MTTP: variants seen among roughly 807,000 people sequenced by gnomAD.
MTTP encodes microsomal triglyceride transfer protein.
A neutral mutation model predicts 90.6 loss-of-function variants in MTTP; 49 were observed. That is an observed-to-expected ratio of 0.54 (90% CI 0.43 to 0.69). The LOEUF (loss-of-function observed/expected upper bound fraction) is 0.69. MTTP is among the 30% of genes least tolerant of loss of function. The pLI, the probability that MTTP is intolerant of heterozygous loss-of-function variation, is 0.00. For missense variants in MTTP, 945 were observed against 1,067.5 expected, an observed-to-expected ratio of 0.89 and a Z score of 1.60; for synonymous variants, 347 against 384.2, an observed-to-expected ratio of 0.90 and a Z score of 1.13.
intron 15 of MTTP, among the ~76,000 whole-genome samples, chr4:99,618,424 C>T (rs1726148683): frequency 6.6e-6 from 1 of 152,204 alleles, no homozygotes; most frequent in South Asian, 2.1e-4. Context: ...GAGAGATCAC[C>T]TGATCCAAAC....
intron 4 of MTTP, among the ~76,000 whole-genome samples, 196 bp from the exon 5 acceptor site, chr4:99,591,039 A>T (rs1365555315): frequency 6.6e-6 from 1 of 152,200 alleles, no homozygotes; most frequent in Non-Finnish European, 1.5e-5. Flanking sequence ...CGCTATTAAG[A>T]CACTCAACCA....
intron 11 of MTTP, 101 bp downstream of exon 11, chr4:99,607,061 C>A: frequency 9.8e-7 from 1 of 1,021,056 alleles, no homozygotes; most frequent in Non-Finnish European, 1.5e-6. Flanking sequence ...TCTGTATTTT[C>A]CCCAAATAGT....
At chr4:99,620,936 A>G in intron 16 of MTTP, 125 bp from the exon 17 acceptor site, 1 of 897,292 alleles carries the variant, frequency 1.1e-6, no homozygotes. Flanking sequence ...TCACCTCTGA[A>G]TCCCTTAAGT....
chr4:99,565,485 C>T (rs551826204), intron 1 of MTTP, among the ~76,000 whole-genome samples: 10 of 152,170 alleles, frequency 6.6e-5, no homozygotes, highest in South Asian at 4.2e-4. Context: ...AAGTTTAAGA[C>T]GGTGAAATCA....
upstream of MTTP, among the ~76,000 whole-genome samples, chr4:99,572,912 T>G (rs993369797): frequency 1.3e-5 from 2 of 152,280 alleles, no homozygotes; most frequent in Admixed American, 6.5e-5. Flanking sequence ...GATGATGTTA[T>G]TTATAACCAG....
intron 3 of MTTP, among the ~76,000 whole-genome samples, chr4:99,589,075 T>A (rs5011596): frequency 0.33 from 2,538 of 7,802 alleles, 435 homozygotes; most frequent in African/African-American, 0.54. Flanking sequence ...ATATATATAT[T>A]TTTTTTTTAC....
intron 7 of MTTP, 130 bp from the exon 8 acceptor site, chr4:99,596,937 T>C: frequency 1.8e-6 from 2 of 1,115,536 alleles, no homozygotes; most frequent in South Asian, 1.2e-5. Context: ...TCATGTGTAT[T>C]GAGGTAAGGT....
At chr4:99,605,855 C>T (rs1026541146) in intron 10 of MTTP, among the ~76,000 whole-genome samples, 17 of 112,796 alleles carry the variant, frequency 1.5e-4, no homozygotes, top group East Asian at 3.7e-4. Flanking sequence ...CATCCATTCT[C>T]CCCAACCCCA....
At chr4:99,574,747 T>G (rs1724912042), upstream of MTTP, 1 of 1,510,222 alleles carries the variant, frequency 6.6e-7, no homozygotes, top group South Asian at 1.2e-5. Context: ...TCAGTGAACT[T>G]AGGTCCTGAT....
intron 15 of MTTP, 139 bp from the exon 16 acceptor site, chr4:99,618,835 A>T: frequency 8.7e-7 from 1 of 1,150,060 alleles, no homozygotes; most frequent in South Asian, 1.4e-5. Flanking sequence ...GCATGTTTCC[A>T]AGCCTAGAGA....
At chr4:99,622,612 G>C in intron 17 of MTTP, 65 bp from the exon 18 acceptor site, 1 of 1,546,182 alleles carries the variant, frequency 6.5e-7, no homozygotes, top group Non-Finnish European at 8.9e-7. Context: ...CAGTAACTTG[G>C]CTGGAGAGGT....
intron 6 of MTTP, among the ~76,000 whole-genome samples, chr4:99,592,615 A>G (rs931437879): frequency 1.3e-5 from 2 of 152,106 alleles, no homozygotes; most frequent in Non-Finnish European, 1.5e-5. Flanking sequence ...AGGATCATCA[A>G]TATCACTGTC....
chr4:99,587,302 AG>A (rs1725280682), intron 3 of MTTP, among the ~76,000 whole-genome samples: 2 of 152,168 alleles, frequency 1.3e-5, no homozygotes, highest in Non-Finnish European at 2.9e-5. Context: ...GTCATATAAA[AG>A]AAAAAGAGAT....
At chr4:99,585,592 G>A (rs1265996646) in intron 3 of MTTP, among the ~76,000 whole-genome samples, 1 of 152,110 alleles carries the variant, frequency 6.6e-6, no homozygotes, top group Non-Finnish European at 1.5e-5. Flanking sequence ...AGACACTTGA[G>A]TTCATAGATA....
At position 99,619,086 on chromosome 4, in the gene MTTP, G is replaced by A. The variant is rs746584812; in HGVS notation, c.2330G>A (p.Arg777Gln). ...FSLWYRESKT[R>Q]VKNRVTVVIT... ...TTGTGGTATCGTGAGTCTAAAACCC[G>A]AGTGAAAAATAGGTAAGTGTTTATG... The change falls in exon 16 of 18, where the codon CGA becomes CAA. Residue 777 changes from arginine to glutamine, a missense_variant. Physicochemically the swap from Arg to Gln is conservative, Grantham distance 43. Transcript: ENST00000265517. The A allele has an allele frequency of 8.7e-6, 14 of 1,613,234 alleles. No individual in the cohort carries two copies. Among genetic ancestry groups the A allele is most frequent in the African/African-American group, 5.3e-5 (4 of 74,866 alleles).
chr4:99,596,714 C>A (rs1725561648), intron 7 of MTTP, among the ~76,000 whole-genome samples: 1 of 152,122 alleles, frequency 6.6e-6, no homozygotes, highest in African/African-American at 2.4e-5. Flanking sequence ...AATTAAAGTT[C>A]TGCACAATTT....
chr4:99,606,431 G>T (rs1725818015), intron 10 of MTTP, among the ~76,000 whole-genome samples: 1 of 152,138 alleles, frequency 6.6e-6, no homozygotes, highest in South Asian at 2.1e-4. Flanking sequence ...TGAATGAGCA[G>T]TTTTTTGAAT....
chr4:99,570,780 G>A (rs1167059086), upstream of MTTP: 1 of 455,628 alleles, frequency 2.2e-6, no homozygotes. Flanking sequence ...GAAGTAAAAA[G>A]GATTCAGCTT....
chr4:99,614,585 TATC>T (rs950936508), intron 15 of MTTP, among the ~76,000 whole-genome samples: 7 of 152,218 alleles, frequency 4.6e-5, no homozygotes, highest in Non-Finnish European at 8.8e-5. Context: ...AATCTTAAGA[TATC>T]ATCAGAATCC....
Sources: gnomAD v4.1 joint callset for allele counts (sites outside exome capture counted in the v4.1 genomes callset) on GRCh38, gnomAD v4.1.1 for gene constraint, MANE v1.5 for transcripts, NCBI Gene and HGNC (gene_info 2026-07-23, HGNC 2026-07-21) for gene names.